Variants in SYT3 observed in about 807,000 individuals in gnomAD.
The protein encoded by SYT3 is synaptotagmin-3.
In SYT3, 25 loss-of-function variants were observed where a neutral mutation model predicts 50.6. The ratio of observed to expected loss-of-function variants is 0.49; its 90% CI spans 0.36 to 0.69. The LOEUF (loss-of-function observed/expected upper bound fraction) is 0.69. Ranked by LOEUF, SYT3 falls within the 30% of genes least tolerant of loss-of-function variation. SYT3 has a pLI of 0.00. For missense variants in SYT3, 589 were observed against 793.6 expected, an observed-to-expected ratio of 0.74 and a Z score of 3.10; for synonymous variants, 323 against 353.9, an observed-to-expected ratio of 0.91 and a Z score of 0.98.
the SYT3 span, among the ~76,000 whole-genome samples, chr19:50,655,881 A>C: frequency 2.6e-5 from 4 of 152,340 alleles, no homozygotes; most frequent in South Asian, 8.3e-4. Context: ...CCCAGGCATC[A>C]CAGAGCCGGT....
At chr19:50,627,006 GACAC>G (rs1984096012) in intron 6 of SYT3, among the ~76,000 whole-genome samples, 1 of 151,982 alleles carries the variant, frequency 6.6e-6, no homozygotes, top group African/African-American at 2.4e-5. Context: ...AGACCAAGCA[GACAC>G]ACACACATAA....
upstream of SYT3, among the ~76,000 whole-genome samples, chr19:50,641,229 G>A (rs1265658073): frequency 7.0e-6 from 1 of 142,700 alleles, no homozygotes; most frequent in Non-Finnish European, 1.5e-5. Context: ...GCCCAGGCTG[G>A]AGTGTAGTGG....
chr19:50,658,073 A>T, the SYT3 span: 1 of 1,535,892 alleles, frequency 6.5e-7, no homozygotes, highest in East Asian at 2.4e-5. Context: ...GCGCGTGAGC[A>T]GCATCCGCTT....
At chr19:50,654,952 C>G in the SYT3 span, among the ~76,000 whole-genome samples, 1 of 152,222 alleles carries the variant, frequency 6.6e-6, no homozygotes. Context: ...TCCTCCCATA[C>G]TGTTGCTTGC....
At chr19:50,626,192 GC>G (rs775538483) in intron 6 of SYT3, 175 bp from the exon 7 acceptor site, 298 of 946,318 alleles carry the variant, frequency 3.1e-4, no homozygotes, top group Non-Finnish European at 4.3e-4. Context: ...GGCCACAGCT[GC>G]CCATGACCAT....
rs775699422 is a variant in SYT3, at chr19:50,629,417, G to A, written c.1158C>T (p.Val386=). The A allele has an allele frequency of 3.1e-6, 5 of 1,614,092 alleles. No individual in the cohort carries two copies. The South Asian group carries it at 5.5e-5, about 18-fold the overall frequency. Residue 386 remains valine (V), a synonymous_variant, in exon 6 of 11, where the codon GTC becomes GTT. Transcript: ENST00000600079. ...ELAQRKLHFS[V]YDFDRFSRHD... is the part of the protein sequence containing the mutation. ...GCCGCGAGAAGCGGTCAAAGTCATA[G>A]ACGCTGAAGTGCAGTTTGCGTTGGG... is the stretch of plus-strand genomic sequence containing the variant.
At chr19:50,657,979 A>G in the SYT3 span, 2 of 1,520,544 alleles carry the variant, frequency 1.3e-6, no homozygotes, top group Non-Finnish European at 8.8e-7. Context: ...TCTCTCTCCG[A>G]CACCCGCAGC....
At position 50,632,944 on chromosome 19, in the gene SYT3, C is replaced by T. The variant is rs774335663; in HGVS notation, c.149-133G>A. The T allele has an allele frequency of 5.1e-6, 3 of 592,486 alleles. No homozygotes were observed. The highest frequency in any genetic ancestry group is 8.1e-6 in the Non-Finnish European group (3 of 370,734). The allele number at this position is 592,486 out of a possible 1,614,324, so 36.7% of individuals were successfully genotyped here. On this transcript the variant is annotated intron_variant, in intron 3 of 10. Transcript: ENST00000600079. This position sits in a 1 kb window ranked among gnomAD's most constrained non-coding sequence, Gnocchi z 4.7. ...GCAATTGCAAGTGCCAGGCACTTTA[C>T]ATGTATTACTTAATTTATGTTCTAC... is the stretch of plus-strand genomic sequence containing the variant.
At chr19:50,639,923 C>G (rs1984627023), upstream of SYT3, 1 of 153,408 alleles carries the variant, frequency 6.5e-6, no homozygotes, top group Non-Finnish European at 1.5e-5. This position sits in a 1 kb window ranked among gnomAD's most constrained non-coding sequence, Gnocchi z 4.6. Context: ...CCCTCCTTCC[C>G]CCACTCCGAA....
intron 6 of SYT3, among the ~76,000 whole-genome samples, chr19:50,628,065 G>A (rs1984141558): frequency 6.6e-6 from 1 of 152,158 alleles, no homozygotes; most frequent in African/African-American, 2.4e-5. Flanking sequence ...AGCTCAACTG[G>A]ACATCTGTCA....
At chr19:50,652,328 C>T in the SYT3 span, among the ~76,000 whole-genome samples, 1 of 152,142 alleles carries the variant, frequency 6.6e-6, no homozygotes, top group Non-Finnish European at 1.5e-5. Flanking sequence ...TTGCTAGATG[C>T]TGGGGACGAA....
At chr19:50,647,960 T>G in the SYT3 span, among the ~76,000 whole-genome samples, 1 of 152,186 alleles carries the variant, frequency 6.6e-6, no homozygotes, top group Non-Finnish European at 1.5e-5. Flanking sequence ...GTAAGACTAT[T>G]TCAATCTGGA....
chr19:50,647,336 T>A, the SYT3 span, among the ~76,000 whole-genome samples: 993 of 151,844 alleles, frequency 6.5e-3, 8 homozygotes, highest in African/African-American at 0.018. Context: ...GAAAGACCAC[T>A]CTGGAGCCTC....
rs775248622 is a variant in SYT3, at chr19:50,629,851, T to C, written c.995A>G (p.Asn332Ser). 5.6e-6 allele frequency: 9 copies of C among 1,614,076 alleles called. No homozygotes were observed. Among genetic ancestry groups the C allele is most frequent in the Non-Finnish European group, 7.6e-6 (9 of 1,179,984 alleles). ...QALDLPAKDSNGFSDPYVKIY... is the reference protein window; with the variant it reads ...QALDLPAKDSSGFSDPYVKIY... ...CTTGACGTAGGGGTCTGAGAAGCCG[T>C]TGGAGTCCTTGGCAGGGAGGTCCAG... Residue 332 changes from asparagine to serine, a missense_variant, in exon 5 of 11, where the codon AAC becomes AGC. Coordinates refer to ENST00000600079, the MANE Select transcript of SYT3 (RefSeq NM_001160329.2).
the SYT3 span, among the ~76,000 whole-genome samples, chr19:50,651,947 T>C: frequency 2.6e-5 from 4 of 152,218 alleles, no homozygotes; most frequent in Non-Finnish European, 5.9e-5. Flanking sequence ...AGAGTTACTT[T>C]TTGATTCATT....
chr19:50,654,348 G>T, the SYT3 span, among the ~76,000 whole-genome samples: 2 of 151,672 alleles, frequency 1.3e-5, no homozygotes, highest in Non-Finnish European at 2.9e-5. Context: ...TGTCGCCCAG[G>T]CTGGAGTGCA....
In SYT3 at chr19:50,629,923, C is replaced by T. The variant is rs778375950; in HGVS notation, c.923G>A (p.Arg308Gln). Reference sequence around the variant, plus strand: ...CAGCTGGTCCGAGCCATAGAGGTACCGCAGGGCGAAGCTGATACGGCCACA... The same window carrying T: ...CAGCTGGTCCGAGCCATAGAGGTACTGCAGGGCGAAGCTGATACGGCCACA... ...APCGRISFALRYLYGSDQLVV... is the reference protein window; with the variant it reads ...APCGRISFALQYLYGSDQLVV... Residue 308 changes from arginine to glutamine, a missense_variant, in exon 5 of 11, where the codon CGG becomes CAG. Transcript: ENST00000600079. 9.9e-6 allele frequency: 16 copies of T among 1,614,060 alleles called. No individual in the cohort carries two copies. Among genetic ancestry groups the T allele is most frequent in the South Asian group, 7.7e-5 (7 of 91,084 alleles).
the SYT3 span, chr19:50,649,716 G>C: frequency 2.9e-6 from 2 of 687,200 alleles, no homozygotes; most frequent in African/African-American, 3.5e-5. Context: ...GCAGTTCCTT[G>C]GCCAATGCCC....
upstream of SYT3, among the ~76,000 whole-genome samples, chr19:50,642,562 A>G (rs962445740): frequency 1.3e-5 from 2 of 152,244 alleles, no homozygotes; most frequent in African/African-American, 4.8e-5. Flanking sequence ...GGCTGGGTGC[A>G]GTGGCACATG....
Sources: allele counts gnomAD v4.1 joint callset (sites outside exome capture counted in the v4.1 genomes callset), GRCh38; gene constraint gnomAD v4.1.1; non-coding constraint Gnocchi (gnomAD v3.1); transcripts MANE v1.5; gene names NCBI Gene and HGNC (gene_info 2026-07-23, HGNC 2026-07-21).